PLCL1: variants seen among roughly 807,000 people sequenced by gnomAD.
PLCL1 encodes the protein inactive phospholipase C-like protein 1.
In PLCL1, 41 loss-of-function variants were observed where a neutral mutation model predicts 84.4. The observed-to-expected ratio is 0.49, with a 90% CI of 0.38 to 0.63. The LOEUF is 0.63. Ranked by LOEUF, PLCL1 falls within the 30% of genes least tolerant of loss-of-function variation. PLCL1 has a pLI of 0.00. For synonymous variants in PLCL1, 490 were observed against 488.3 expected, an observed-to-expected ratio of 1.00 and a Z score of -0.05; for missense variants, 1,206 against 1,367.8, an observed-to-expected ratio of 0.88 and a Z score of 1.87.
chr2:197,972,029 T>A (rs908256312), intron 1 of PLCL1, among the ~76,000 whole-genome samples: 16 of 152,220 alleles, frequency 1.1e-4, no homozygotes, highest in Admixed American at 8.5e-4. Context: ...AGGCCTAGTA[T>A]CCTCCTCCCT....
intron 1 of PLCL1, among the ~76,000 whole-genome samples, chr2:197,827,784 T>C (rs1690964915): frequency 6.6e-6 from 1 of 152,102 alleles, no homozygotes; most frequent in Admixed American, 6.6e-5. Context: ...CCCCAAATGG[T>C]CATAGCACTG....
At chr2:197,858,103 A>G (rs138407565) in intron 1 of PLCL1, among the ~76,000 whole-genome samples, 6 of 152,256 alleles carry the variant, frequency 3.9e-5, no homozygotes, top group Non-Finnish European at 8.8e-5. Context: ...GGTGTTTTCA[A>G]TTGATATAAA....
chr2:198,108,563 T>A (rs1182042098), intron 5 of PLCL1, among the ~76,000 whole-genome samples: 1 of 151,872 alleles, frequency 6.6e-6, no homozygotes, highest in Non-Finnish European at 1.5e-5. Context: ...TTGTTTAGTG[T>A]TTTCTGCAGT....
chr2:197,873,635 C>T (rs553538240), intron 1 of PLCL1, among the ~76,000 whole-genome samples: 82 of 152,224 alleles, frequency 5.4e-4, no homozygotes, highest in Admixed American at 3.2e-3. Flanking sequence ...TGCATCCATA[C>T]GGTCTACAAT....
At chr2:198,139,082 G>A (rs1224171954) in intron 5 of PLCL1, among the ~76,000 whole-genome samples, 1 of 152,086 alleles carries the variant, frequency 6.6e-6, no homozygotes, top group East Asian at 1.9e-4. Flanking sequence ...TTGAACCCAG[G>A]ATGTGGAGGT....
At chr2:198,129,366 A>G (rs764560049) in intron 5 of PLCL1, among the ~76,000 whole-genome samples, 2 of 152,154 alleles carry the variant, frequency 1.3e-5, no homozygotes, top group African/African-American at 2.4e-5. Flanking sequence ...ATCTTTGCCC[A>G]GACACTCCTT....
At chr2:197,993,820 A>C (rs1247208526) in intron 1 of PLCL1, among the ~76,000 whole-genome samples, 1 of 152,154 alleles carries the variant, frequency 6.6e-6, no homozygotes, top group Non-Finnish European at 1.5e-5. Context: ...AATTTCCATC[A>C]AGGTCAGTCT....
At chr2:198,035,411 C>T (rs1312762562) in intron 1 of PLCL1, among the ~76,000 whole-genome samples, 1 of 152,194 alleles carries the variant, frequency 6.6e-6, no homozygotes, top group Non-Finnish European at 1.5e-5. Flanking sequence ...AAAAATCAAC[C>T]AAGTCTTCTT....
chr2:198,021,413 G>A (rs1386243373), intron 1 of PLCL1, among the ~76,000 whole-genome samples: 1 of 152,088 alleles, frequency 6.6e-6, no homozygotes, highest in Non-Finnish European at 1.5e-5. Flanking sequence ...AGAACTGAAG[G>A]AGATAGAGAC....
At chr2:197,869,549 G>A (rs755656572) in intron 1 of PLCL1, among the ~76,000 whole-genome samples, 7 of 152,068 alleles carry the variant, frequency 4.6e-5, no homozygotes, top group Non-Finnish European at 8.8e-5. Flanking sequence ...TCTTTAAATG[G>A]TTGTGGTGAG....
chr2:197,848,888 G>A (rs564393180), intron 1 of PLCL1, among the ~76,000 whole-genome samples: 103 of 152,114 alleles, frequency 6.8e-4, no homozygotes, highest in African/African-American at 1.9e-3. Context: ...GTAAAGAGAC[G>A]GAAAATTCCT....
At chr2:197,927,299 T>G (rs1323475922) in intron 1 of PLCL1, among the ~76,000 whole-genome samples, 1 of 152,246 alleles carries the variant, frequency 6.6e-6, no homozygotes. Context: ...AATGGCATTC[T>G]ACCATGTCAT....
chr2:198,061,769 T>G (rs941807898), intron 1 of PLCL1, among the ~76,000 whole-genome samples: 1 of 151,958 alleles, frequency 6.6e-6, no homozygotes, highest in Non-Finnish European at 1.5e-5. Context: ...CTGGCTAATT[T>G]TTTGTATGTT....
chr2:198,020,673 G>A (rs1043454435), intron 1 of PLCL1, among the ~76,000 whole-genome samples: 2 of 152,100 alleles, frequency 1.3e-5, no homozygotes, highest in African/African-American at 2.4e-5. Flanking sequence ...AATGGTAAAG[G>A]GATCAATGCA....
At chr2:197,825,347 C>G (rs908749509) in intron 1 of PLCL1, among the ~76,000 whole-genome samples, 3 of 152,162 alleles carry the variant, frequency 2.0e-5, no homozygotes, top group Non-Finnish European at 4.4e-5. Flanking sequence ...TTTAAGGCTA[C>G]AAGCTCTTTC....
rs185770148 is a variant in PLCL1 at position 197,892,992 on chromosome 2, A to G, written c.240+87653A>G. ...CCTGGGCAAGAGACCATCTCAAAAC[A>G]AAACAAAAAACAACAAAAAAACCTG... is the stretch of plus-strand genomic sequence containing the variant. On this transcript the variant is annotated intron_variant, in intron 1 of 5. Coordinates refer to ENST00000428675, the MANE Select transcript of PLCL1 (RefSeq NM_006226.4). 3.2e-3 allele frequency among the ~76,000 whole-genome samples: 494 copies of G among 152,292 alleles called. 3 individuals are homozygous for G. Among genetic ancestry groups the G allele is most frequent in the African/African-American group, 0.011 (474 of 41,552 alleles).
chr2:197,902,755 G>A (rs1195100844), intron 1 of PLCL1, among the ~76,000 whole-genome samples: 1 of 152,130 alleles, frequency 6.6e-6, no homozygotes, highest in Non-Finnish European at 1.5e-5. Context: ...CAGCATATGG[G>A]GAGTTCTGGG....
At position 197,830,691 on chromosome 2, in the gene PLCL1, G is replaced by A. The variant is rs536674497; in HGVS notation, c.240+25352G>A. Among the ~76,000 whole-genome samples the A allele has an allele frequency of 2.0e-5, 3 of 152,136 alleles. No homozygotes were observed. In the South Asian group the frequency reaches 6.2e-4, roughly 32 times the overall value. ...AGAGAATACCACAAAGATACACCTC[G>A]AGAAGAGCAACCCCAAGACACATAA... On this transcript the variant is annotated intron_variant, in intron 1 of 5. Coordinates refer to ENST00000428675, the MANE Select transcript of PLCL1 (RefSeq NM_006226.4).
intron 1 of PLCL1, among the ~76,000 whole-genome samples, chr2:197,992,156 T>G (rs1180364198): frequency 6.6e-6 from 1 of 152,158 alleles, no homozygotes; most frequent in Non-Finnish European, 1.5e-5. Context: ...GTTGGTGTGC[T>G]GCACCCACCA....
Sources: gnomAD v4.1 joint callset for allele counts (sites outside exome capture counted in the v4.1 genomes callset) on GRCh38, gnomAD v4.1.1 for gene constraint, MANE v1.5 for transcripts, NCBI Gene and HGNC (gene_info 2026-07-23, HGNC 2026-07-21) for gene names.